Variants in PM20D2 observed in about 807,000 individuals in gnomAD.
The protein encoded by PM20D2 is peptidase M20 domain containing 2.
A neutral mutation model predicts 42.9 loss-of-function variants in PM20D2; 33 were observed. The observed-to-expected ratio is 0.77, with a 90% confidence interval of 0.58 to 1.03. The LOEUF (loss-of-function observed/expected upper bound fraction) is 1.03. Ranked by LOEUF, PM20D2 falls within the 50% of genes least tolerant of loss-of-function variation. The pLI is 0.00. For missense variants in PM20D2, 548 were observed against 557.0 expected (o/e 0.98, Z 0.16); for synonymous variants, 250 against 228.2 (o/e 1.10, Z -0.86).
chr6:89,146,693 G>T, intron 1 of PM20D2, 84 bp downstream of exon 1: 3 of 1,170,968 alleles, frequency 2.6e-6, no homozygotes, highest in Non-Finnish European at 3.4e-6. Context: ...CGTGCGTCCC[G>T]CGCGCCTCGG....
intron 5 of PM20D2, among the ~76,000 whole-genome samples, chr6:89,160,450 C>G (rs1362964205): frequency 6.6e-6 from 1 of 152,216 alleles, no homozygotes; most frequent in African/African-American, 2.4e-5. Context: ...TACTCTTTGT[C>G]ACATATTCCT....
the PM20D2 span, among the ~76,000 whole-genome samples, chr6:89,107,426 A>C: frequency 6.6e-6 from 1 of 152,122 alleles, no homozygotes; most frequent in Non-Finnish European, 1.5e-5. Context: ...AAGGGAAAAA[A>C]GAAAGGAAAA....
At chr6:89,140,794 G>T in the PM20D2 span, among the ~76,000 whole-genome samples, 1 of 152,156 alleles carries the variant, frequency 6.6e-6, no homozygotes, top group African/African-American at 2.4e-5. Context: ...GCCAAAGGGA[G>T]CCTCAGGTCA....
At chr6:89,147,768 C>A (rs1053419389) in intron 1 of PM20D2, among the ~76,000 whole-genome samples, 12 of 151,002 alleles carry the variant, frequency 7.9e-5, no homozygotes, top group Admixed American at 6.6e-5. Context: ...TGGCTCACGC[C>A]TGTAATCCCA....
At chr6:89,157,776 G>A (rs1053278710) in intron 4 of PM20D2, among the ~76,000 whole-genome samples, 4 of 152,116 alleles carry the variant, frequency 2.6e-5, no homozygotes, top group African/African-American at 9.7e-5. Flanking sequence ...AGGCCGAGAC[G>A]GGCAGATCAC....
the PM20D2 span, among the ~76,000 whole-genome samples, chr6:89,099,391 T>G: frequency 1.5e-5 from 1 of 65,802 alleles, no homozygotes; most frequent in African/African-American, 5.6e-5. Context: ...AACAGCTCTC[T>G]CTCTCTCTCT....
the PM20D2 span, among the ~76,000 whole-genome samples, chr6:89,112,566 C>G: frequency 1.3e-5 from 2 of 149,744 alleles, no homozygotes; most frequent in Non-Finnish European, 2.9e-5. Context: ...GCACGCATCA[C>G]CATGCCCGGC....
At chr6:89,136,595 A>G in the PM20D2 span, among the ~76,000 whole-genome samples, 1 of 150,734 alleles carries the variant, frequency 6.6e-6, no homozygotes, top group South Asian at 2.1e-4. Flanking sequence ...GGAGAATGGC[A>G]TGAATCTGGG....
intron 5 of PM20D2, among the ~76,000 whole-genome samples, chr6:89,159,167 T>G (rs143844297): frequency 1.3e-5 from 2 of 152,142 alleles, no homozygotes; most frequent in Non-Finnish European, 2.9e-5. Flanking sequence ...CAAAAAGATG[T>G]CTAGTTTGGA....
intron 2 of PM20D2, among the ~76,000 whole-genome samples, chr6:89,151,914 C>A (rs1770860678): frequency 6.6e-6 from 1 of 151,818 alleles, no homozygotes; most frequent in African/African-American, 2.4e-5. Context: ...ATGGTGAGAA[C>A]CTGTCTCTAC....
the PM20D2 span, among the ~76,000 whole-genome samples, chr6:89,115,484 G>A: frequency 6.6e-6 from 1 of 151,748 alleles, no homozygotes; most frequent in East Asian, 2.0e-4. Context: ...GTTTCACCAG[G>A]TAGGCCAGGT....
chr6:89,159,430 T>A (rs997548093), intron 5 of PM20D2, among the ~76,000 whole-genome samples: 1 of 152,186 alleles, frequency 6.6e-6, no homozygotes, highest in African/African-American at 2.4e-5. Flanking sequence ...TGGTCTAGTG[T>A]CCACTGGACT....
At chr6:89,108,849 G>C in the PM20D2 span, among the ~76,000 whole-genome samples, 4 of 152,044 alleles carry the variant, frequency 2.6e-5, no homozygotes, top group Non-Finnish European at 5.9e-5. Flanking sequence ...CTAGAGATGG[G>C]GATTTAGAAA....
upstream of PM20D2, among the ~76,000 whole-genome samples, chr6:89,144,404 G>A (rs1341193506): frequency 6.6e-6 from 1 of 152,120 alleles, no homozygotes; most frequent in Non-Finnish European, 1.5e-5. Context: ...GAGTGTTGTG[G>A]GTTCTGATTT....
At chr6:89,105,285 T>G in the PM20D2 span, 8 of 1,590,778 alleles carry the variant, frequency 5.0e-6, no homozygotes, top group Non-Finnish European at 6.9e-6. Flanking sequence ...ACAAGACTTA[T>G]GACATAATTC....
the PM20D2 span, among the ~76,000 whole-genome samples, chr6:89,125,411 C>T: frequency 2.0e-5 from 3 of 151,274 alleles, no homozygotes; most frequent in East Asian, 3.9e-4. Context: ...ACCTGGGAGG[C>T]GGAGGTTGCA....
At position 89,146,568 on chromosome 6, in the gene PM20D2, G is replaced by A; in HGVS notation, c.424G>A (p.Gly142Arg). 6.7e-7 allele frequency: 1 copy of A among 1,491,428 alleles called. No individual in the cohort carries two copies. The highest frequency in any genetic ancestry group is 8.9e-7 in the Non-Finnish European group (1 of 1,127,716). 92.4% of individuals were successfully genotyped at this position (1,491,428 alleles called of 1,614,324 possible). Residue 142 changes from glycine (G) to arginine (R), a missense_variant, in exon 1 of 7, where the codon GGG (glycine) becomes AGG (arginine). By Grantham distance (125) the Gly-to-Arg change is moderately radical. This residue lies in a region of PM20D2 where 470 missense variants were observed against 464.4 expected (regional missense o/e 1.01). Transcript: ENST00000275072. ...GGCGGCGGCCGCGCTGGGCGTGAGG[G>A]GGGCCTTAGAGGGCCTCCCCAGGCC... ...VGAAAALGVR[G>R]ALEGLPRPPP... is the part of the protein sequence containing the mutation.
At chr6:89,106,471 G>A in the PM20D2 span, among the ~76,000 whole-genome samples, 1 of 152,052 alleles carries the variant, frequency 6.6e-6, no homozygotes, top group Non-Finnish European at 1.5e-5. Context: ...AAAGCAATCT[G>A]TAAATATCTG....
chr6:89,153,671 C>T (rs1343116921), intron 3 of PM20D2, among the ~76,000 whole-genome samples: 1 of 152,146 alleles, frequency 6.6e-6, no homozygotes, highest in Non-Finnish European at 1.5e-5. Flanking sequence ...AATCTCGGCT[C>T]ACTGCAACTT....
Sources: allele counts gnomAD v4.1 joint callset (sites outside exome capture counted in the v4.1 genomes callset), GRCh38; gene constraint gnomAD v4.1.1; regional missense constraint gnomAD v4.1.1; transcripts MANE v1.5; gene names NCBI Gene and HGNC (gene_info 2026-07-23, HGNC 2026-07-21).